Variants in LRRC4C observed in about 807,000 individuals in gnomAD.
LRRC4C encodes leucine rich repeat containing 4C.
LRRC4C carries 5 observed loss-of-function variants against 33.6 expected under a neutral mutation model. The observed-to-expected ratio is 0.15, with a 90% CI of 0.08 to 0.31. LRRC4C has a LOEUF of 0.31. Ranked by LOEUF, LRRC4C falls within the 10% of genes least tolerant of loss-of-function variation. The probability of loss-of-function intolerance (pLI) is 1.00; values close to 1 mark genes in which losing one functional copy is unlikely to be tolerated. For missense variants in LRRC4C, 560 were observed against 796.7 expected (o/e 0.70, Z 3.58); for synonymous variants, 329 against 302.0 (o/e 1.09, Z -0.93).
chr11:40,271,988 C>T (rs1326988896), intron 4 of LRRC4C, among the ~76,000 whole-genome samples: 2 of 152,078 alleles, frequency 1.3e-5, no homozygotes, highest in South Asian at 2.1e-4. Flanking sequence ...ATCTGAAAGT[C>T]AGTGCTATAA....
intron 3 of LRRC4C, among the ~76,000 whole-genome samples, chr11:40,619,955 CA>C (rs1591295034): frequency 6.7e-6 from 1 of 149,124 alleles, no homozygotes; most frequent in African/African-American, 2.5e-5. Flanking sequence ...ACATTTTATT[CA>C]AACCTGCACT....
At chr11:41,404,063 G>C (rs1370020372) in intron 1 of LRRC4C, among the ~76,000 whole-genome samples, 1 of 151,992 alleles carries the variant, frequency 6.6e-6, no homozygotes, top group African/African-American at 2.4e-5. Context: ...ATTATGAGAG[G>C]TATCAGAAGA....
intron 4 of LRRC4C, among the ~76,000 whole-genome samples, chr11:40,272,085 C>T (rs1246981027): frequency 6.6e-6 from 1 of 151,992 alleles, no homozygotes; most frequent in Non-Finnish European, 1.5e-5. Context: ...AAATGAAATA[C>T]GGATGTATTC....
chr11:40,953,047 A>C (rs1204739161), intron 1 of LRRC4C, among the ~76,000 whole-genome samples: 1 of 151,900 alleles, frequency 6.6e-6, no homozygotes, highest in Non-Finnish European at 1.5e-5. Context: ...TGAGCATACA[A>C]ATATACTAAT....
At chr11:41,235,393 C>T (rs2136496887) in intron 1 of LRRC4C, among the ~76,000 whole-genome samples, 1 of 152,222 alleles carries the variant, frequency 6.6e-6, no homozygotes, top group South Asian at 2.1e-4. Flanking sequence ...AGATAACCCA[C>T]TTCACCTGCA....
chr11:41,057,874 G>A (rs1858748682), intron 1 of LRRC4C, among the ~76,000 whole-genome samples: 1 of 152,140 alleles, frequency 6.6e-6, no homozygotes. Flanking sequence ...GTGTAGCCGA[G>A]AGGAGCTACC....
chr11:40,598,958 C>T (rs920547561), intron 3 of LRRC4C, among the ~76,000 whole-genome samples: 1 of 152,186 alleles, frequency 6.6e-6, no homozygotes. Flanking sequence ...CTACATGGCA[C>T]ATGAGTGGGC....
At chr11:40,977,361 G>A (rs2137056756) in intron 1 of LRRC4C, among the ~76,000 whole-genome samples, 1 of 152,212 alleles carries the variant, frequency 6.6e-6, no homozygotes, top group East Asian at 1.9e-4. Flanking sequence ...CACCAATTTT[G>A]TTGTCAAATA....
intron 2 of LRRC4C, among the ~76,000 whole-genome samples, chr11:40,657,409 A>C (rs1231067020): frequency 1.3e-5 from 2 of 152,240 alleles, no homozygotes; most frequent in Non-Finnish European, 2.9e-5. Context: ...CATGAAAGGA[A>C]AATATCTTGG....
chr11:41,412,796 CT>C (rs1954537579), intron 1 of LRRC4C, among the ~76,000 whole-genome samples: 1 of 152,064 alleles, frequency 6.6e-6, no homozygotes, highest in African/African-American at 2.4e-5. Context: ...CAGAGAGAGA[CT>C]GGAAATGAGA....
chr11:40,662,261 T>C (rs1302560440), intron 2 of LRRC4C, among the ~76,000 whole-genome samples: 1 of 152,168 alleles, frequency 6.6e-6, no homozygotes, highest in Non-Finnish European at 1.5e-5. Context: ...GAAGCCCATA[T>C]CTTATTCATT....
At chr11:40,489,859 A>G (rs1371677) in intron 3 of LRRC4C, among the ~76,000 whole-genome samples, 78,290 of 152,006 alleles carry the variant, frequency 0.52, 20,359 homozygotes, top group East Asian at 0.73. Context: ...AGTAGTGAGT[A>G]AACCAATCCT....
intron 1 of LRRC4C, among the ~76,000 whole-genome samples, chr11:41,241,107 AG>A (rs2136548215): frequency 6.6e-6 from 1 of 152,286 alleles, no homozygotes; most frequent in Admixed American, 6.5e-5. Context: ...GTTAGTGGTG[AG>A]ACCAACTACC....
At chr11:41,242,141 G>C (rs1479282932) in intron 1 of LRRC4C, among the ~76,000 whole-genome samples, 1 of 151,930 alleles carries the variant, frequency 6.6e-6, no homozygotes, top group Non-Finnish European at 1.5e-5. Context: ...CTTAAGATTA[G>C]AGCTTTTAGG....
At chr11:40,802,645 T>C (rs1190331779) in intron 2 of LRRC4C, among the ~76,000 whole-genome samples, 2 of 151,974 alleles carry the variant, frequency 1.3e-5, no homozygotes, top group African/African-American at 4.8e-5. Flanking sequence ...TAGAATAAAG[T>C]AGAATAAACA....
At chr11:41,376,409 A>G (rs1591381301) in intron 1 of LRRC4C, among the ~76,000 whole-genome samples, 2 of 152,292 alleles carry the variant, frequency 1.3e-5, no homozygotes, top group Non-Finnish European at 2.9e-5. Context: ...TAGATGACAC[A>G]AATCTCAGCT....
At chr11:40,398,823 C>G (rs1211115990) in intron 3 of LRRC4C, among the ~76,000 whole-genome samples, 1 of 152,020 alleles carries the variant, frequency 6.6e-6, no homozygotes, top group Non-Finnish European at 1.5e-5. Flanking sequence ...AAATGGCCTA[C>G]TAATAAGCCA....
At chr11:41,379,573 C>T (rs1379828453) in intron 1 of LRRC4C, among the ~76,000 whole-genome samples, 1 of 151,956 alleles carries the variant, frequency 6.6e-6, no homozygotes, top group South Asian at 2.1e-4. Context: ...AAAATAGCCC[C>T]ATCCTTAGAG....
intron 2 of LRRC4C, among the ~76,000 whole-genome samples, chr11:40,808,671 C>G (rs1951352773): frequency 6.6e-6 from 1 of 152,008 alleles, no homozygotes; most frequent in South Asian, 2.1e-4. Flanking sequence ...CAAGGGAGAC[C>G]CAGTACCGCC....
Sources: allele counts gnomAD v4.1 joint callset (sites outside exome capture counted in the v4.1 genomes callset), GRCh38; gene constraint gnomAD v4.1.1; transcripts MANE v1.5; gene names NCBI Gene and HGNC (gene_info 2026-07-23, HGNC 2026-07-21).